Variants in TSHZ2 observed in about 807,000 individuals in gnomAD.
TSHZ2 encodes teashirt homolog 2.
In TSHZ2, 21 loss-of-function variants were observed where a neutral mutation model predicts 74.4. The observed-to-expected ratio is 0.28, with a 90% confidence interval of 0.20 to 0.41. TSHZ2 has a LOEUF of 0.41. Ranked by LOEUF, TSHZ2 falls within the 10% of genes least tolerant of loss-of-function variation. TSHZ2 has a pLI of 1.00. For missense variants in TSHZ2, 1,244 were observed against 1,293.5 expected, an observed-to-expected ratio of 0.96 and a Z score of 0.59; for synonymous variants, 540 against 515.3, an observed-to-expected ratio of 1.05 and a Z score of -0.65.
chr20:53,100,334 A>C (rs1986180849), intron 1 of TSHZ2, among the ~76,000 whole-genome samples: 1 of 152,048 alleles, frequency 6.6e-6, no homozygotes, highest in Admixed American at 6.5e-5. Context: ...GTCCTAACCC[A>C]CCTGTCTGGT....
At chr20:53,017,535 T>G (rs1983083793) in intron 1 of TSHZ2, among the ~76,000 whole-genome samples, 1 of 139,186 alleles carries the variant, frequency 7.2e-6, no homozygotes, top group South Asian at 2.6e-4. Flanking sequence ...ATTGCTTAAG[T>G]TGAGGCTTAA....
At chr20:53,423,529 T>C (rs1442801256) in intron 2 of TSHZ2, among the ~76,000 whole-genome samples, 1 of 152,224 alleles carries the variant, frequency 6.6e-6, no homozygotes, top group Non-Finnish European at 1.5e-5. Flanking sequence ...TCTCTGCAAC[T>C]CTAGGCAAGA....
intron 2 of TSHZ2, among the ~76,000 whole-genome samples, chr20:53,311,640 A>G (rs1057427997): frequency 2.6e-5 from 4 of 152,232 alleles, no homozygotes; most frequent in African/African-American, 9.6e-5. Flanking sequence ...AGAGCTGCAG[A>G]AAACAACTTG....
chr20:53,142,693 A>G (rs1390337769), intron 1 of TSHZ2, among the ~76,000 whole-genome samples: 1 of 152,204 alleles, frequency 6.6e-6, no homozygotes, highest in Non-Finnish European at 1.5e-5. Flanking sequence ...CTCTGAGCTG[A>G]ACTACTGAGG....
chr20:53,181,951 G>A (rs2123512690), intron 1 of TSHZ2, among the ~76,000 whole-genome samples: 1 of 152,266 alleles, frequency 6.6e-6, no homozygotes, highest in South Asian at 2.1e-4. Context: ...GAATGAAATA[G>A]GTGAAGAAGT....
At position 53,192,578 on chromosome 20, in the gene TSHZ2, A is replaced by AAC. The variant is rs1555834691; in HGVS notation, c.41-60921_41-60920insAC. ...TAGTGTCTGGAAAAAAAAAAAAAAAACCCACAACAACTGGTCTATGAATTG... is the reference window on the plus strand; with the variant it reads ...TAGTGTCTGGAAAAAAAAAAAAAAAAACCCCACAACAACTGGTCTATGAATTG... On this transcript the variant is annotated intron_variant, in intron 1 of 2. Transcript: ENST00000371497. Among the ~76,000 whole-genome samples, 474 of 150,444 alleles carry AAC rather than the reference A, an allele frequency of 3.2e-3. 18 individuals are homozygous for AAC. The East Asian group carries it at 0.071, about 23-fold the overall frequency.
chr20:53,004,140 C>A (rs376512826), intron 1 of TSHZ2, among the ~76,000 whole-genome samples: 1 of 147,996 alleles, frequency 6.8e-6, no homozygotes, highest in South Asian at 2.1e-4. Flanking sequence ...CGCACCCACT[C>A]CCCCCCTCCA....
At chr20:53,479,292 C>T (rs911869264) in intron 2 of TSHZ2, among the ~76,000 whole-genome samples, 2 of 151,918 alleles carry the variant, frequency 1.3e-5, no homozygotes, top group Non-Finnish European at 2.9e-5. Context: ...TCCAAATCAG[C>T]AGCTTGGGGT....
intron 1 of TSHZ2, among the ~76,000 whole-genome samples, chr20:53,052,085 T>A (rs1434810066): frequency 6.6e-6 from 1 of 152,178 alleles, no homozygotes; most frequent in Admixed American, 6.5e-5. Flanking sequence ...TCCAGAACTT[T>A]TTCATCTTGC....
intron 2 of TSHZ2, among the ~76,000 whole-genome samples, chr20:53,266,876 C>G (rs566072240): frequency 4.4e-4 from 66 of 149,170 alleles, no homozygotes; most frequent in Non-Finnish European, 9.0e-4. Context: ...CTCCCAGGTT[C>G]AAGCAATTCT....
At chr20:53,050,182 T>G (rs951942710) in intron 1 of TSHZ2, among the ~76,000 whole-genome samples, 2 of 146,300 alleles carry the variant, frequency 1.4e-5, no homozygotes, top group Admixed American at 1.4e-4. Context: ...TATACACATA[T>G]ATATGTATAT....
At chr20:53,210,954 T>C (rs562987493) in intron 1 of TSHZ2, among the ~76,000 whole-genome samples, 1 of 152,234 alleles carries the variant, frequency 6.6e-6, no homozygotes, top group South Asian at 2.1e-4. Flanking sequence ...TAAAGAAATA[T>C]TCCTTTAGTA....
chr20:53,017,691 A>T (rs1476602754), intron 1 of TSHZ2, among the ~76,000 whole-genome samples: 1 of 152,190 alleles, frequency 6.6e-6, no homozygotes, highest in Admixed American at 6.5e-5. Flanking sequence ...AATATTTACT[A>T]AGATTGTCTG....
chr20:53,279,592 A>G (rs534605280), intron 2 of TSHZ2, among the ~76,000 whole-genome samples: 17 of 152,278 alleles, frequency 1.1e-4, no homozygotes, highest in African/African-American at 3.9e-4. Context: ...TAAAATTACA[A>G]CTATCTGATA....
At chr20:53,069,662 T>TACACACACACACAC (rs11471151) in intron 1 of TSHZ2, among the ~76,000 whole-genome samples, 1 of 138,892 alleles carries the variant, frequency 7.2e-6, no homozygotes, top group East Asian at 2.2e-4. Flanking sequence ...AATGCTTTGA[T>TACACACACACACAC]ACACACACAC....
chr20:53,252,596 G>C (rs980540764), intron 1 of TSHZ2, among the ~76,000 whole-genome samples: 4 of 152,134 alleles, frequency 2.6e-5, no homozygotes, highest in Non-Finnish European at 5.9e-5. Context: ...GTAATTACTG[G>C]TCCTAAATCC....
intron 2 of TSHZ2, among the ~76,000 whole-genome samples, chr20:53,310,546 A>C (rs759417090): frequency 5.9e-5 from 9 of 152,248 alleles, no homozygotes; most frequent in Non-Finnish European, 8.8e-5. Context: ...GGCTTTGGCC[A>C]GGGCTGCAGT....
intron 2 of TSHZ2, among the ~76,000 whole-genome samples, chr20:53,361,685 G>A (rs1242055918): frequency 6.6e-6 from 1 of 152,100 alleles, no homozygotes; most frequent in Non-Finnish European, 1.5e-5. Context: ...AAGATTGAGA[G>A]GTGACACCGA....
intron 1 of TSHZ2, among the ~76,000 whole-genome samples, chr20:52,998,615 C>G (rs1250037392): frequency 6.6e-6 from 1 of 152,154 alleles, no homozygotes; most frequent in Non-Finnish European, 1.5e-5. Flanking sequence ...CACCATATAC[C>G]TCACTGCCTT....
Sources: gnomAD v4.1 joint callset for allele counts (sites outside exome capture counted in the v4.1 genomes callset) on GRCh38, gnomAD v4.1.1 for gene constraint, MANE v1.5 for transcripts, NCBI Gene and HGNC (gene_info 2026-07-23, HGNC 2026-07-21) for gene names.